PPP6R1: variants seen among roughly 807,000 people sequenced by gnomAD.
PPP6R1 encodes the protein serine/threonine-protein phosphatase 6 regulatory subunit 1.
PPP6R1 carries 39 observed loss-of-function variants against 104.6 expected under a neutral mutation model. The ratio of observed to expected loss-of-function variants is 0.37; its 90% confidence interval spans 0.29 to 0.49. The LOEUF (loss-of-function observed/expected upper bound fraction) is 0.49, where lower values mean the gene tolerates loss of function less well. PPP6R1 is among the 20% of genes least tolerant of loss of function. The pLI is 0.98. For synonymous variants in PPP6R1, 549 were observed against 479.0 expected (o/e 1.15, Z -1.91); for missense variants, 1,181 against 1,155.8 (o/e 1.02, Z -0.32).
intron 5 of PPP6R1, 133 bp from the exon 6 acceptor site, chr19:55,242,621 AAGG>A: frequency 9.5e-6 from 7 of 738,060 alleles, no homozygotes; most frequent in Non-Finnish European, 1.7e-5. Context: ...ACGTGTTACG[AAGG>A]AGGAGGGCAC....
intron 5 of PPP6R1, among the ~76,000 whole-genome samples, chr19:55,244,565 G>A (rs975670168): frequency 2.6e-5 from 4 of 152,198 alleles, no homozygotes; most frequent in East Asian, 1.9e-4. Flanking sequence ...TTGGACAGGC[G>A]ATGAGGAGGG....
At chr19:55,233,557 C>T (rs2087368516) in intron 17 of PPP6R1, among the ~76,000 whole-genome samples, 1 of 152,150 alleles carries the variant, frequency 6.6e-6, no homozygotes, top group Non-Finnish European at 1.5e-5. Flanking sequence ...CTAAGGAGTC[C>T]ACTAAAACTA....
chr19:55,247,465 G>A (rs2087519605), intron 1 of PPP6R1: 4 of 276,870 alleles, frequency 1.4e-5, no homozygotes, highest in African/African-American at 2.2e-5. Flanking sequence ...CAGGGCCTGC[G>A]AGAAGAGGCT....
chr19:55,249,829 C>A (rs530343017), intron 1 of PPP6R1, among the ~76,000 whole-genome samples: 1 of 151,516 alleles, frequency 6.6e-6, no homozygotes, highest in Admixed American at 6.6e-5. Flanking sequence ...GGCAGAGCAA[C>A]ACTCTGTCTC....
chr19:55,228,397 G>A (rs767096515), downstream of PPP6R1: 22 of 1,613,544 alleles, frequency 1.4e-5, no homozygotes, highest in Non-Finnish European at 1.8e-5. Flanking sequence ...CACGCAGCAG[G>A]AGAGGATGAA....
At position 55,240,064 on chromosome 19, in the gene PPP6R1, G is replaced by A; in HGVS notation, c.1412C>T (p.Ala471Val). The A allele has an allele frequency of 6.2e-7, 1 of 1,602,326 alleles. No homozygotes were observed. Residue 471 changes from alanine (A) to valine (V), a missense_variant, in exon 12 of 24, where the codon GCC (alanine) becomes GTC (valine). Ala to Val is a moderately conservative substitution (Grantham distance 64, BLOSUM62 0). Around this residue, in one of 2 missense-constraint regions of PPP6R1, gnomAD observed 1,042 missense variants for 955.6 expected, o/e 1.09. Transcript: ENST00000412770. ...CTCCGTGTTCTGCACCAGGGCACCG[G>A]CCACTCTTGTCAGGTGACCCATGTA... Reference protein sequence around the residue: ...KGYMGHLTRVAGALVQNTEKG... With the variant: ...KGYMGHLTRVVGALVQNTEKG...
chr19:55,230,412 T>C lies in PPP6R1; in HGVS notation c.*116A>G. 1 of 1,466,920 alleles carries C rather than the reference T, an allele frequency of 6.8e-7. No homozygotes were observed. The highest frequency in any genetic ancestry group is 9.4e-7 in the Non-Finnish European group (1 of 1,068,970). 90.9% of individuals were successfully genotyped at this position (1,466,920 alleles called of 1,614,324 possible). A position where few individuals can be genotyped will look rare whatever the true frequency, so the allele number is the denominator to read the frequency against. Reference sequence around the variant, plus strand: ...CCTCCTGGGGGTCCAGAGGAGAGAATGTGGGGGTGTCAGGGTGATGAGGGC... The same window carrying C: ...CCTCCTGGGGGTCCAGAGGAGAGAACGTGGGGGTGTCAGGGTGATGAGGGC... On this transcript the variant is annotated 3_prime_UTR_variant, in exon 24 of 24. Coordinates refer to ENST00000412770, the MANE Select transcript of PPP6R1 (RefSeq NM_014931.4).
intron 19 of PPP6R1, 43 bp from the exon 20 acceptor site, chr19:55,231,711 G>A: frequency 6.5e-7 from 1 of 1,541,428 alleles, no homozygotes; most frequent in African/African-American, 1.4e-5. Context: ...GCTAGGGTTA[G>A]CACTCGAGCC....
chr19:55,252,923 A>G (rs1017012953), intron 1 of PPP6R1, among the ~76,000 whole-genome samples: 2 of 151,832 alleles, frequency 1.3e-5, no homozygotes, highest in East Asian at 1.9e-4. Context: ...GCCATCGGCC[A>G]TGGCAGGGAC....
At position 55,231,624 on chromosome 19, in the gene PPP6R1, T is replaced by G; in HGVS notation, c.2351A>C (p.Glu784Ala). 6.2e-7 allele frequency: 1 copy of G among 1,611,838 alleles called. No individual in the cohort carries two copies. Among genetic ancestry groups the G allele is most frequent in the Non-Finnish European group, 8.5e-7 (1 of 1,179,040 alleles). The change falls in exon 20 of 24, where the codon GAA becomes GCA. Residue 784 changes from glutamate to alanine, a missense_variant. By Grantham distance (107) the Glu-to-Ala change is moderately radical. This residue lies in a region of PPP6R1 where 1,042 missense variants were observed against 955.6 expected (regional missense o/e 1.09). Transcript: ENST00000412770. The stretch of plus-strand genomic sequence containing the variant: ...TGAGGGCTCCGTGACTTTGCTGCCT[T>G]CTGTGGCTTCCTGAGGTGCTGAGGG... ...TPPSAPQEAT[E>A]GSKVTEPSAP...
Position 55,245,053 on chromosome 19 carries a change from A to G in PPP6R1, c.618+67T>C. On this transcript the variant is annotated intron_variant, in intron 5 of 23. Transcript: ENST00000412770. The surrounding 1 kb of genome is among the most constrained non-coding windows in gnomAD (Gnocchi z 6.4). ...GCGTCCAGCCCCAATTCCTCTTTTA[A>G]AAGTGGGGAAGTGGGCATGGGGAAG... 1.3e-6 allele frequency: 2 copies of G among 1,577,508 alleles called. No homozygotes were observed. The highest frequency in any genetic ancestry group is 1.7e-6 in the Non-Finnish European group (2 of 1,158,934).
rs981172824 is a variant in PPP6R1 at position 55,232,376 on chromosome 19, G to T, written c.1989-165C>A. 2.8e-6 allele frequency: 3 copies of T among 1,087,822 alleles called. No homozygotes were observed. The Admixed American group carries it at 9.2e-5, about 33-fold the overall frequency. The allele number at this position is 1,087,822 out of a possible 1,614,324, so 67.4% of individuals were successfully genotyped here. A position where few individuals can be genotyped will look rare whatever the true frequency, so the allele number is the denominator to read the frequency against. ...GGTGTGACGACACCAGGAGAGGCTG[G>T]GAGAGGGAGTTCTGAGCCAACGGCA... On this transcript the variant is annotated intron_variant, in intron 17 of 23. Coordinates refer to ENST00000412770, the MANE Select transcript of PPP6R1 (RefSeq NM_014931.4).
At position 55,242,212 on chromosome 19, in the gene PPP6R1, T is replaced by A; in HGVS notation, c.799A>T (p.Ser267Cys). The change falls in exon 7 of 24, where the codon AGT becomes TGT. Residue 267 changes from serine to cysteine, a missense_variant. Ser to Cys is a moderately radical substitution (Grantham distance 112, BLOSUM62 -1). This residue lies in a region of PPP6R1 where 1,042 missense variants were observed against 955.6 expected (regional missense o/e 1.09). Transcript: ENST00000412770. ...AGGGTCAGCAGCACCTGGATCCCACTGACGATGACAGACTGGCTCTGCTCC... is the reference window on the plus strand; with the variant it reads ...AGGGTCAGCAGCACCTGGATCCCACAGACGATGACAGACTGGCTCTGCTCC... ...EGEQSQSVIV[S>C]GIQVLLTLLE... 6.2e-7 allele frequency: 1 copy of A among 1,613,816 alleles called. No homozygotes were observed. Among genetic ancestry groups the A allele is most frequent in the Non-Finnish European group, 8.5e-7 (1 of 1,179,866 alleles).
downstream of PPP6R1, chr19:55,228,620 C>A: frequency 6.4e-7 from 1 of 1,559,016 alleles, no homozygotes; most frequent in South Asian, 1.2e-5. Context: ...CAGCAGCTCC[C>A]AGACCCGCCG....
rs1451123703 is a variant in PPP6R1 at position 55,230,550 on chromosome 19, G to T, written c.2643-19C>A. 2 of 1,613,580 alleles carry T rather than the reference G, an allele frequency of 1.2e-6. No homozygotes were observed. Among genetic ancestry groups the T allele is most frequent in the Non-Finnish European group, 1.7e-6 (2 of 1,179,818 alleles). ...CAGCTATCTGGAAACAGAGGGAGAT[G>T]TCGTGTGAGGGTCTAGCAGGCCCAG... On this transcript the variant is annotated intron_variant, in intron 23 of 23. Transcript: ENST00000412770.
intron 2 of PPP6R1, among the ~76,000 whole-genome samples, 184 bp downstream of exon 2, chr19:55,246,693 T>G (rs960896262): frequency 4.6e-5 from 7 of 152,190 alleles, no homozygotes; most frequent in Non-Finnish European, 8.8e-5. Flanking sequence ...GAGCACAGGC[T>G]TGGTCTGCAC....
At chr19:55,244,369 G>A (rs531068876) in intron 5 of PPP6R1, among the ~76,000 whole-genome samples, 1 of 152,358 alleles carries the variant, frequency 6.6e-6, no homozygotes, top group Admixed American at 6.5e-5. Flanking sequence ...CCAAGCTGGA[G>A]AAACACATGG....
chr19:55,231,939 G>A lies in PPP6R1; in HGVS notation c.2169C>T (p.Ala723=). ...TATFDPVPTD[A]PTSPRVSGEE... ...CCCCGGAGACTCGGGGGCTGGTCGGGGCATCTGTAGGCACTGGGTCAAAGG... is the reference window on the plus strand; with the variant it reads ...CCCCGGAGACTCGGGGGCTGGTCGGAGCATCTGTAGGCACTGGGTCAAAGG... Residue 723 remains alanine, a synonymous_variant, in exon 19 of 24, where the codon GCC becomes GCT. Transcript: ENST00000412770. 2.5e-6 allele frequency: 4 copies of A among 1,579,980 alleles called. No individual in the cohort carries two copies. Among genetic ancestry groups the A allele is most frequent in the Non-Finnish European group, 3.4e-6 (4 of 1,159,500 alleles).
chr19:55,250,235 C>T (rs1394039183), intron 1 of PPP6R1, among the ~76,000 whole-genome samples: 1 of 152,352 alleles, frequency 6.6e-6, no homozygotes, highest in African/African-American at 2.4e-5. Context: ...CCAACTCTCA[C>T]AACCACCCTC....
Sources: allele counts gnomAD v4.1 joint callset (sites outside exome capture counted in the v4.1 genomes callset), GRCh38; gene constraint gnomAD v4.1.1; regional missense constraint gnomAD v4.1.1; non-coding constraint Gnocchi (gnomAD v3.1); transcripts MANE v1.5; gene names NCBI Gene and HGNC (gene_info 2026-07-23, HGNC 2026-07-21).